FBXO34: variants seen among roughly 807,000 people sequenced by gnomAD.
FBXO34 encodes the protein F-box only protein 34.
In FBXO34, 12 loss-of-function variants were observed where a neutral mutation model predicts 24.5. That is an observed-to-expected ratio of 0.49 (90% CI 0.31 to 0.79). FBXO34 has a LOEUF of 0.79. Ranked by LOEUF, FBXO34 falls within the 30% of genes least tolerant of loss-of-function variation. The pLI is 0.04. For missense variants in FBXO34, 823 were observed against 857.7 expected, an observed-to-expected ratio of 0.96 and a Z score of 0.51; for synonymous variants, 320 against 311.9, an observed-to-expected ratio of 1.03 and a Z score of -0.27.
At chr14:55,359,529 T>A (rs886300251) in intron 3 of FBXO34, among the ~76,000 whole-genome samples, 2 of 152,258 alleles carry the variant, frequency 1.3e-5, no homozygotes, top group African/African-American at 4.8e-5. Flanking sequence ...AACAATCAGC[T>A]GTGAGTCATA....
chr14:55,288,136 TAAG>T (rs1466159201), intron 1 of FBXO34, among the ~76,000 whole-genome samples: 13 of 152,206 alleles, frequency 8.5e-5, no homozygotes, highest in Admixed American at 2.6e-4. Context: ...ATTTATTACT[TAAG>T]AAGTTGCTTG....
chr14:55,423,259 C>T, the FBXO34 span, among the ~76,000 whole-genome samples: 1 of 152,168 alleles, frequency 6.6e-6, no homozygotes, highest in African/African-American at 2.4e-5. Context: ...TGCTGCCAAG[C>T]ATTTGGTAAA....
At chr14:55,275,537 G>T (rs560195791) in intron 1 of FBXO34, among the ~76,000 whole-genome samples, 1 of 152,032 alleles carries the variant, frequency 6.6e-6, no homozygotes, top group East Asian at 1.9e-4. Flanking sequence ...ACTATTGGCC[G>T]GGTGCAGTGG....
At chr14:55,287,873 T>C (rs1178798563) in intron 1 of FBXO34, among the ~76,000 whole-genome samples, 1 of 152,226 alleles carries the variant, frequency 6.6e-6, no homozygotes, top group African/African-American at 2.4e-5. Flanking sequence ...CAACATGCAT[T>C]TGCATCATGT....
At chr14:55,377,183 C>T in the FBXO34 span, among the ~76,000 whole-genome samples, 1 of 152,064 alleles carries the variant, frequency 6.6e-6, no homozygotes, top group Non-Finnish European at 1.5e-5. Context: ...CCTGTCTCTA[C>T]TAAAAATACA....
intron 1 of FBXO34, among the ~76,000 whole-genome samples, chr14:55,327,959 C>T (rs1157685929): frequency 9.0e-6 from 1 of 111,420 alleles, no homozygotes; most frequent in African/African-American, 3.5e-5. Context: ...CAGACTCCCA[C>T]TCCATCACCC....
downstream of FBXO34, among the ~76,000 whole-genome samples, chr14:55,374,128 T>C (rs1884875384): frequency 6.6e-6 from 1 of 152,252 alleles, no homozygotes; most frequent in South Asian, 2.1e-4. Flanking sequence ...CAACGCTGGA[T>C]TCATCGAGCC....
chr14:55,400,723 C>T, the FBXO34 span, among the ~76,000 whole-genome samples: 5 of 151,828 alleles, frequency 3.3e-5, no homozygotes, highest in African/African-American at 7.3e-5. Context: ...GCCAACATGG[C>T]GAAACTCTGT....
At chr14:55,423,388 C>T in the FBXO34 span, among the ~76,000 whole-genome samples, 3 of 152,296 alleles carry the variant, frequency 2.0e-5, no homozygotes, top group Admixed American at 6.5e-5. Flanking sequence ...AACGAAAGTC[C>T]CATTTCTGAG....
In FBXO34 at chr14:55,331,739, ATGTG is replaced by A. The variant is rs201760112; in HGVS notation, c.-10-18638_-10-18635del. On this transcript the variant is annotated intron_variant, in intron 1 of 1. Transcript: ENST00000313833. ...TATGTATATATATATGTATATATATATGTGTGTATATATATATATATGTATATAT... is the reference window on the plus strand; with the variant it reads ...TATGTATATATATATGTATATATATATGTATATATATATATATGTATATAT... 2.3e-4 allele frequency among the ~76,000 whole-genome samples: 10 copies of A among 44,088 alleles called. 1 individual carries two copies. The highest frequency in any genetic ancestry group is 7.1e-4 in the African/African-American group (3 of 4,232). 28.9% of individuals were successfully genotyped at this position (44,088 alleles called of 152,430 possible).
At chr14:55,336,759 G>C (rs1459134709) in intron 1 of FBXO34, among the ~76,000 whole-genome samples, 1 of 150,816 alleles carries the variant, frequency 6.6e-6, no homozygotes, top group Non-Finnish European at 1.5e-5. Context: ...AGTATTTCAG[G>C]ATGTATCTGT....
intron 1 of FBXO34, among the ~76,000 whole-genome samples, chr14:55,276,334 C>A (rs1352923362): frequency 2.6e-5 from 4 of 152,192 alleles, no homozygotes; most frequent in Non-Finnish European, 5.9e-5. Flanking sequence ...ATACCCACCA[C>A]CCCTATATTG....
the FBXO34 span, chr14:55,424,285 T>C: frequency 1.4e-6 from 2 of 1,450,212 alleles, no homozygotes; most frequent in Non-Finnish European, 1.9e-6. Flanking sequence ...ATGTTAAAAA[T>C]AGCACTATTC....
chr14:55,405,620 G>C, the FBXO34 span, among the ~76,000 whole-genome samples: 4 of 152,170 alleles, frequency 2.6e-5, no homozygotes, highest in Non-Finnish European at 5.9e-5. Context: ...TTTCTTTCCT[G>C]TTGTGAGTGG....
chr14:55,328,512 A>T (rs1373276978), intron 1 of FBXO34, among the ~76,000 whole-genome samples: 1 of 152,236 alleles, frequency 6.6e-6, no homozygotes, highest in East Asian at 1.9e-4. Context: ...CAAAGGAATG[A>T]TTCTCATCCT....
the FBXO34 span, among the ~76,000 whole-genome samples, chr14:55,404,592 C>A: frequency 1.2e-4 from 18 of 152,096 alleles, no homozygotes; most frequent in Non-Finnish European, 2.5e-4. Context: ...TATGACAGGC[C>A]TTGAAAATAT....
chr14:55,394,070 A>C, the FBXO34 span, among the ~76,000 whole-genome samples: 2 of 149,322 alleles, frequency 1.3e-5, no homozygotes, highest in South Asian at 2.1e-4. Context: ...ACAGTGGCGC[A>C]ATCTCGGCTC....
In FBXO34 at chr14:55,350,504, C is replaced by T. The variant is rs1337681168; in HGVS notation, c.114C>T (p.Cys38=). The T allele has an allele frequency of 1.2e-6, 2 of 1,613,842 alleles. No individual in the cohort carries two copies. Among genetic ancestry groups the T allele is most frequent in the Non-Finnish European group, 1.7e-6 (2 of 1,179,958 alleles). The change falls in exon 2 of 2, where the codon TGC becomes TGT. Residue 38 remains cysteine (C), a synonymous_variant. Coordinates refer to ENST00000313833, the MANE Select transcript of FBXO34 (RefSeq NM_017943.4). ...NHQKAVNDET[C]KASHITSSVF... ...AAAAGGCTGTAAATGATGAAACATG[C>T]AAAGCTAGCCACATAACATCAAGTG...
At chr14:55,372,590 ACTCCTTCCCTTC>A (rs903382881), downstream of FBXO34, among the ~76,000 whole-genome samples, 2 of 114,092 alleles carry the variant, frequency 1.8e-5, no homozygotes, top group Non-Finnish European at 3.7e-5. Flanking sequence ...TTTCTTCCTC[ACTCCTTCCCTTC>A]CTCCTTCCCT....
Sources: allele counts gnomAD v4.1 joint callset (sites outside exome capture counted in the v4.1 genomes callset), GRCh38; gene constraint gnomAD v4.1.1; transcripts MANE v1.5; gene names NCBI Gene and HGNC (gene_info 2026-07-23, HGNC 2026-07-21).